The following SHROOM3 variants were observed in gnomAD, a reference collection of about 807,000 sequenced individuals.
SHROOM3 encodes the protein protein Shroom3.
SHROOM3 carries 47 observed loss-of-function variants against 138.6 expected under a neutral mutation model. The ratio of observed to expected loss-of-function variants is 0.34; its 90% CI spans 0.27 to 0.43. The LOEUF is 0.43. Among genes scored for constraint, SHROOM3 ranks in the 20% least tolerant of loss-of-function variants. SHROOM3 has a pLI of 1.00. For missense variants in SHROOM3, 2,491 were observed against 2,596.5 expected (o/e 0.96, Z 0.88); for synonymous variants, 1,062 against 1,063.3 (o/e 1.00, Z 0.02).
intron 2 of SHROOM3, among the ~76,000 whole-genome samples, chr4:76,646,633 A>C (rs1335436179): frequency 6.6e-6 from 1 of 152,152 alleles, no homozygotes; most frequent in African/African-American, 2.4e-5. Flanking sequence ...TTGATGGTCT[A>C]CTTCTATTAG....
At chr4:76,563,698 G>C (rs78107237) in intron 2 of SHROOM3, among the ~76,000 whole-genome samples, 294 of 152,324 alleles carry the variant, frequency 1.9e-3, no homozygotes, top group African/African-American at 6.8e-3. Context: ...AGTGGGAGGT[G>C]AGGACAAACA....
At chr4:76,677,404 C>G (rs1719069781) in intron 2 of SHROOM3, among the ~76,000 whole-genome samples, 1 of 152,186 alleles carries the variant, frequency 6.6e-6, no homozygotes, top group Admixed American at 6.5e-5. Flanking sequence ...TGGGAAGTTA[C>G]TTAAAAGTTG....
intron 1 of SHROOM3, among the ~76,000 whole-genome samples, chr4:76,518,279 G>A (rs1364862759): frequency 6.6e-6 from 1 of 152,066 alleles, no homozygotes; most frequent in African/African-American, 2.4e-5. Context: ...CCCAAGAGCA[G>A]GGACTACATT....
chr4:76,736,750 A>G (rs552730231), intron 4 of SHROOM3, among the ~76,000 whole-genome samples: 2 of 152,290 alleles, frequency 1.3e-5, no homozygotes, highest in East Asian at 3.9e-4. Context: ...GTGTATATAT[A>G]TAGAGACAGA....
At chr4:76,656,483 T>C (rs902927221) in intron 2 of SHROOM3, among the ~76,000 whole-genome samples, 2 of 152,356 alleles carry the variant, frequency 1.3e-5, no homozygotes, top group Admixed American at 6.5e-5. Flanking sequence ...GCCTGCTGGA[T>C]TTTATTCACT....
At chr4:76,746,873 C>T (rs558076791) in intron 5 of SHROOM3, among the ~76,000 whole-genome samples, 16 of 151,134 alleles carry the variant, frequency 1.1e-4, no homozygotes, top group African/African-American at 3.9e-4. Flanking sequence ...CTGGAGTGCA[C>T]TGGCGCAATG....
chr4:76,561,842 T>A (rs1219069951), intron 2 of SHROOM3, among the ~76,000 whole-genome samples: 1 of 151,950 alleles, frequency 6.6e-6, no homozygotes, highest in African/African-American at 2.4e-5. Context: ...AAACCCCGTT[T>A]CTATTAAAAA....
intron 1 of SHROOM3, among the ~76,000 whole-genome samples, chr4:76,505,549 A>T (rs563036780): frequency 6.6e-6 from 1 of 152,200 alleles, no homozygotes; most frequent in South Asian, 2.1e-4. Context: ...AATTGAAAAT[A>T]TTTGGGAAAA....
intron 2 of SHROOM3, among the ~76,000 whole-genome samples, chr4:76,706,430 G>A (rs912206827): frequency 2.0e-5 from 3 of 152,124 alleles, no homozygotes; most frequent in Non-Finnish European, 4.4e-5. Context: ...ATGTTATTAT[G>A]CTAAGAAAAT....
intron 2 of SHROOM3, among the ~76,000 whole-genome samples, chr4:76,608,590 C>CATTGGACAGAGATGGT (rs1734679349): frequency 1.9e-5 from 2 of 103,200 alleles, no homozygotes; most frequent in African/African-American, 6.8e-5. Flanking sequence ...CATAGCATAG[C>CATTGGACAGAGATGGT]ATAGCATAGC....
intron 2 of SHROOM3, 150 bp from the exon 3 acceptor site, chr4:76,710,006 G>A: frequency 1.1e-6 from 1 of 912,132 alleles, no homozygotes; most frequent in Non-Finnish European, 1.7e-6. Context: ...AACTTTGTTA[G>A]GTGCAGGCTT....
At chr4:76,726,185 C>T (rs1026815574) in intron 3 of SHROOM3, among the ~76,000 whole-genome samples, 9 of 152,118 alleles carry the variant, frequency 5.9e-5, no homozygotes, top group African/African-American at 1.9e-4. Context: ...TCCTCCTCCT[C>T]ACTCTCCCCA....
At chr4:76,657,482 C>T (rs1208469626) in intron 2 of SHROOM3, among the ~76,000 whole-genome samples, 1 of 152,124 alleles carries the variant, frequency 6.6e-6, no homozygotes, top group Non-Finnish European at 1.5e-5. Flanking sequence ...AAGCTATTTG[C>T]CTTAACTTGT....
In SHROOM3 at chr4:76,588,467, CAAG is replaced by C. The variant is rs1333901807; in HGVS notation, c.323+32707_323+32709del. ...GGACAGCACAATACACAATGGGGCA[CAAG>C]AAAGCCACGCAGCCTCCCCCTCCTA... On this transcript the variant is annotated intron_variant, in intron 2 of 10. Coordinates refer to ENST00000296043, the MANE Select transcript of SHROOM3 (RefSeq NM_020859.4). 2.6e-5 allele frequency among the ~76,000 whole-genome samples: 4 copies of C among 152,256 alleles called. No individual in the cohort carries two copies. The East Asian group carries it at 5.8e-4, about 22-fold the overall frequency.
chr4:76,714,353 C>T (rs1160765684), intron 3 of SHROOM3, among the ~76,000 whole-genome samples: 1 of 152,122 alleles, frequency 6.6e-6, no homozygotes, highest in African/African-American at 2.4e-5. Flanking sequence ...TTTTGAAGAG[C>T]TCTGGGCAGA....
At position 76,528,850 on chromosome 4, in the gene SHROOM3, G is replaced by A. The variant is rs143602051; in HGVS notation, c.169-26759G>A. On this transcript the variant is annotated intron_variant, in intron 1 of 10. Coordinates refer to ENST00000296043, the MANE Select transcript of SHROOM3 (RefSeq NM_020859.4). ...ATTACAGGTGTGGGCCACTGTGCCCGGTCTTCCTCTCCCTATTCTTCCAAT... is the reference window on the plus strand; with the variant it reads ...ATTACAGGTGTGGGCCACTGTGCCCAGTCTTCCTCTCCCTATTCTTCCAAT... 2.7e-3 allele frequency among the ~76,000 whole-genome samples: 414 copies of A among 152,156 alleles called. 3 individuals carry two copies. The highest frequency in any genetic ancestry group is 3.6e-3 in the Non-Finnish European group (243 of 67,988).
At chr4:76,743,054 G>A (rs1433644395) in intron 5 of SHROOM3, among the ~76,000 whole-genome samples, 1 of 152,198 alleles carries the variant, frequency 6.6e-6, no homozygotes, top group Non-Finnish European at 1.5e-5. Context: ...AATGCTTTGG[G>A]AATAGTGATC....
intron 5 of SHROOM3, among the ~76,000 whole-genome samples, chr4:76,742,349 G>A (rs1160818986): frequency 1.3e-5 from 2 of 151,748 alleles, no homozygotes; most frequent in African/African-American, 4.8e-5. Flanking sequence ...CTACAAAATA[G>A]CTAGAATGAT....
At chr4:76,598,590 G>A (rs1734439337) in intron 2 of SHROOM3, among the ~76,000 whole-genome samples, 1 of 152,214 alleles carries the variant, frequency 6.6e-6, no homozygotes, top group South Asian at 2.1e-4. Context: ...TGGAGATGGG[G>A]TAGAGGTGGC....
Sources: allele counts gnomAD v4.1 joint callset (sites outside exome capture counted in the v4.1 genomes callset), GRCh38; gene constraint gnomAD v4.1.1; transcripts MANE v1.5; gene names NCBI Gene and HGNC (gene_info 2026-07-23, HGNC 2026-07-21).